C8orf88: variants seen among roughly 807,000 people sequenced by gnomAD.
The protein encoded by C8orf88 is chromosome 8 open reading frame 88, also known as uncharacterized protein C8orf88.
A neutral mutation model predicts 18.4 loss-of-function variants in C8orf88; 14 were observed. That is an observed-to-expected ratio of 0.76 (90% CI 0.50 to 1.19). C8orf88 has a LOEUF of 1.19. C8orf88 is among the 50% of genes most tolerant of loss of function. The pLI, the probability that C8orf88 is intolerant of heterozygous loss-of-function variation, is 0.00. For synonymous variants in C8orf88, 45 were observed against 42.9 expected (o/e 1.05, Z -0.19); for missense variants, 116 against 134.7 (o/e 0.86, Z 0.69).
intron 4 of C8orf88, among the ~76,000 whole-genome samples, chr8:90,964,981 T>C (rs999837067): frequency 4.6e-5 from 7 of 151,522 alleles, no homozygotes; most frequent in Admixed American, 1.3e-4. Context: ...AAAAGACGTA[T>C]AGAAGACAAA....
intron 4 of C8orf88, among the ~76,000 whole-genome samples, chr8:90,965,514 C>A (rs1388556999): frequency 6.6e-6 from 1 of 151,714 alleles, no homozygotes; most frequent in Non-Finnish European, 1.5e-5. Context: ...AACCTAATTA[C>A]ATATATACAA....
chr8:90,978,118 G>A (rs1371026345), intron 3 of C8orf88, among the ~76,000 whole-genome samples: 1 of 152,076 alleles, frequency 6.6e-6, no homozygotes, highest in Non-Finnish European at 1.5e-5. Context: ...ATGTCATTTT[G>A]TATATTTTGA....
intron 3 of C8orf88, among the ~76,000 whole-genome samples, chr8:90,975,816 C>G (rs1416191282): frequency 6.6e-6 from 1 of 151,598 alleles, no homozygotes; most frequent in Admixed American, 6.6e-5. Context: ...AAGATTTGTA[C>G]ATGATAGTCT....
At position 90,964,064 on chromosome 8, in the gene C8orf88, C is replaced by A. The variant is rs180947051; in HGVS notation, c.224-3216G>T. Among the ~76,000 whole-genome samples, 100 of 151,736 alleles carry A rather than the reference C, an allele frequency of 6.6e-4. 1 individual carries two copies. Among genetic ancestry groups the A allele is most frequent in the Admixed American group, 2.5e-3 (38 of 15,178 alleles). ...ATGATGTGAAAGCAATTCAAGATTT[C>A]CAACTTTAAGCACTGGTGATTCTGT... On this transcript the variant is annotated intron_variant, in intron 4 of 5. Transcript: ENST00000517562.
intron 3 of C8orf88, among the ~76,000 whole-genome samples, chr8:90,977,767 C>A (rs1811372564): frequency 6.6e-6 from 1 of 151,958 alleles, no homozygotes; most frequent in African/African-American, 2.4e-5. Context: ...TATGGTGAAA[C>A]CCCATCTGTA....
chr8:90,976,753 T>C (rs1438970504), intron 3 of C8orf88, among the ~76,000 whole-genome samples: 1 of 152,068 alleles, frequency 6.6e-6, no homozygotes, highest in Non-Finnish European at 1.5e-5. Flanking sequence ...TTACAATCAG[T>C]TGCTTATAGG....
At chr8:90,979,691 A>G (rs1388137477) in intron 2 of C8orf88, among the ~76,000 whole-genome samples, 3 of 152,238 alleles carry the variant, frequency 2.0e-5, no homozygotes, top group South Asian at 2.1e-4. Flanking sequence ...TTAAAAAGTT[A>G]TATGTGTATC....
intron 3 of C8orf88, among the ~76,000 whole-genome samples, chr8:90,974,155 G>A (rs748474072): frequency 1.3e-5 from 2 of 152,068 alleles, no homozygotes; most frequent in African/African-American, 2.4e-5. Context: ...TTCTCATCAC[G>A]AGGTACACTC....
intron 4 of C8orf88, among the ~76,000 whole-genome samples, chr8:90,965,309 T>C (rs1811178814): frequency 6.6e-6 from 1 of 151,722 alleles, no homozygotes. Flanking sequence ...GATAAAAGCA[T>C]CAATTCATCA....
At chr8:90,981,773 A>C (rs942965305) in intron 1 of C8orf88, among the ~76,000 whole-genome samples, 8 of 152,170 alleles carry the variant, frequency 5.3e-5, no homozygotes, top group Admixed American at 1.3e-4. Context: ...TCGTCATTGC[A>C]ACTAAAATCT....
At chr8:90,966,360 G>T (rs1203902442) in intron 4 of C8orf88, among the ~76,000 whole-genome samples, 1 of 114,078 alleles carries the variant, frequency 8.8e-6, no homozygotes, top group Non-Finnish European at 1.8e-5. Context: ...TTGTGGGGTG[G>T]GGGGAGGGGG....
chr8:90,980,895 C>T (rs766828191), intron 1 of C8orf88, among the ~76,000 whole-genome samples: 3 of 151,996 alleles, frequency 2.0e-5, no homozygotes, highest in Non-Finnish European at 2.9e-5. Flanking sequence ...CACTATGTTG[C>T]CCCAGCTATG....
intron 3 of C8orf88, among the ~76,000 whole-genome samples, chr8:90,977,668 A>G (rs1811371295): frequency 6.6e-6 from 1 of 152,174 alleles, no homozygotes; most frequent in Non-Finnish European, 1.5e-5. Context: ...GAGGCCAGGC[A>G]CAGTGGCTCA....
At chr8:90,963,792 G>T (rs1811159478) in intron 4 of C8orf88, among the ~76,000 whole-genome samples, 1 of 151,348 alleles carries the variant, frequency 6.6e-6, no homozygotes, top group Non-Finnish European at 1.5e-5. Flanking sequence ...AAAGAATAAA[G>T]AAAATGAACA....
In C8orf88 at chr8:90,980,383, C is replaced by A; in HGVS notation, c.53G>T (p.Arg18Leu). ...GKPLQPARPV[R>L]HLTSPPGAVF... is the part of the protein sequence containing the mutation. ...CTCACCTGGGGGAGAAGTCAGATGA[C>A]GAACAGGTCTTGCTGGTTGAAGCGG... Residue 18 changes from arginine (R) to leucine (L), a missense_variant, in exon 2 of 6, where the codon CGT (arginine) becomes CTT (leucine). By Grantham distance (102) the Arg-to-Leu change is moderately radical. Transcript: ENST00000517562. 2.6e-6 allele frequency: 4 copies of A among 1,531,654 alleles called. No individual in the cohort carries two copies. Among genetic ancestry groups the A allele is most frequent in the Non-Finnish European group, 3.5e-6 (4 of 1,145,318 alleles). The allele number at this position is 1,531,654 out of a possible 1,614,324, so 94.9% of individuals were successfully genotyped here.
intron 1 of C8orf88, among the ~76,000 whole-genome samples, chr8:90,981,008 C>A (rs753523981): frequency 1.5e-4 from 23 of 152,132 alleles, no homozygotes; most frequent in Non-Finnish European, 2.6e-4. Flanking sequence ...GTCTTCTTAG[C>A]TAAAACTCAT....
intron 4 of C8orf88, among the ~76,000 whole-genome samples, chr8:90,968,808 T>C (rs1319644809): frequency 6.7e-6 from 1 of 149,942 alleles, no homozygotes; most frequent in Non-Finnish European, 1.5e-5. Context: ...CCAGTTAAAA[T>C]ATTGTTAAAC....
intron 3 of C8orf88, among the ~76,000 whole-genome samples, chr8:90,973,616 A>AG (rs1308258610): frequency 6.6e-6 from 1 of 152,070 alleles, no homozygotes; most frequent in Non-Finnish European, 1.5e-5. Flanking sequence ...CTGAGGAGCT[A>AG]GGACTGCAGG....
intron 3 of C8orf88, among the ~76,000 whole-genome samples, chr8:90,971,936 T>C (rs1209047291): frequency 1.3e-5 from 2 of 152,072 alleles, no homozygotes; most frequent in Non-Finnish European, 2.9e-5. Flanking sequence ...TATAAAATAA[T>C]TGGTGTTCTG....
Sources: gnomAD v4.1 joint callset for allele counts (sites outside exome capture counted in the v4.1 genomes callset) on GRCh38, gnomAD v4.1.1 for gene constraint, MANE v1.5 for transcripts, NCBI Gene and HGNC (gene_info 2026-07-23, HGNC 2026-07-21) for gene names.